GRIK1: variants seen among roughly 807,000 people sequenced by gnomAD.
The protein encoded by GRIK1 is glutamate ionotropic receptor kainate type subunit 1.
GRIK1 carries 69 observed loss-of-function variants against 105.7 expected under a neutral mutation model. That is an observed-to-expected ratio of 0.65 (90% CI 0.54 to 0.80). The LOEUF (loss-of-function observed/expected upper bound fraction) is 0.80. Among genes scored for constraint, GRIK1 ranks in the 30% least tolerant of loss-of-function variants. The probability of loss-of-function intolerance (pLI) is 0.00; values close to 1 mark genes in which losing one functional copy is unlikely to be tolerated. For missense variants in GRIK1, 1,109 were observed against 1,167.3 expected (o/e 0.95, Z 0.73); for synonymous variants, 438 against 431.3 (o/e 1.02, Z -0.19).
intron 1 of GRIK1, among the ~76,000 whole-genome samples, chr21:29,871,601 T>G (rs1322818847): frequency 6.6e-6 from 1 of 152,024 alleles, no homozygotes; most frequent in Non-Finnish European, 1.5e-5. Context: ...TATGGATATG[T>G]ATCTGGTGAT....
chr21:29,813,913 CTTTT>C (rs35127743), intron 1 of GRIK1, among the ~76,000 whole-genome samples: 5 of 126,284 alleles, frequency 4.0e-5, no homozygotes, highest in Non-Finnish European at 6.7e-5. Context: ...AAGAAACATT[CTTTT>C]TTTTTTTTTT....
chr21:29,706,323 G>A (rs761901838), intron 1 of GRIK1, among the ~76,000 whole-genome samples: 1 of 152,064 alleles, frequency 6.6e-6, no homozygotes, highest in Non-Finnish European at 1.5e-5. Flanking sequence ...TACACACTAG[G>A]CAACAACAGT....
chr21:29,555,374 C>G (rs375824794), intron 15 of GRIK1, 72 bp from the exon 16 acceptor site: 3 of 1,363,698 alleles, frequency 2.2e-6, no homozygotes, highest in African/African-American at 2.9e-5. Flanking sequence ...TCTTAATTAT[C>G]ATCTTTGTCA....
At chr21:29,766,056 G>A (rs145445599) in intron 1 of GRIK1, among the ~76,000 whole-genome samples, 107 of 152,026 alleles carry the variant, frequency 7.0e-4, no homozygotes, top group African/African-American at 9.2e-4. Context: ...TTACCGTGTT[G>A]GCCAGGTTGG....
intron 1 of GRIK1, among the ~76,000 whole-genome samples, chr21:29,875,028 G>T (rs569899619): frequency 6.8e-6 from 1 of 147,754 alleles, no homozygotes. Flanking sequence ...ATGTGTGTGT[G>T]TATGCGTGTG....
chr21:29,674,528 T>G, intron 3 of GRIK1, among the ~76,000 whole-genome samples: 1 of 151,992 alleles, frequency 6.6e-6, no homozygotes, highest in Non-Finnish European at 1.5e-5. Flanking sequence ...GTAATCCCCA[T>G]GTGTCGGGGG....
chr21:29,663,475 A>G (rs2063005361), intron 4 of GRIK1, among the ~76,000 whole-genome samples: 1 of 152,198 alleles, frequency 6.6e-6, no homozygotes, highest in Non-Finnish European at 1.5e-5. Flanking sequence ...TTCTTCTGTA[A>G]GAATTCAGAC....
chr21:29,806,020 G>A (rs2066854915), intron 1 of GRIK1, among the ~76,000 whole-genome samples: 1 of 151,560 alleles, frequency 6.6e-6, no homozygotes, highest in South Asian at 2.1e-4. Context: ...GAAAACACAA[G>A]TCGACTATAA....
chr21:29,917,348 C>A (rs2071032905), intron 1 of GRIK1, among the ~76,000 whole-genome samples: 1 of 152,010 alleles, frequency 6.6e-6, no homozygotes, highest in Non-Finnish European at 1.5e-5. Context: ...CAGGTTTGCA[C>A]ATTGGTATTT....
intron 1 of GRIK1, among the ~76,000 whole-genome samples, chr21:29,898,949 G>T (rs2070282818): frequency 6.6e-6 from 1 of 150,430 alleles, no homozygotes; most frequent in Non-Finnish European, 1.5e-5. Flanking sequence ...TCCAGCCTGG[G>T]CAACAAGAGT....
At chr21:29,694,222 C>T (rs2063646785) in intron 1 of GRIK1, among the ~76,000 whole-genome samples, 159 bp from the exon 2 acceptor site, 1 of 140,700 alleles carries the variant, frequency 7.1e-6, no homozygotes, top group Non-Finnish European at 1.5e-5. Context: ...CCTCTGGGTT[C>T]AAGCGATTCT....
intron 4 of GRIK1, 88 bp downstream of exon 4, chr21:29,672,895 G>A: frequency 1.1e-6 from 1 of 897,006 alleles, no homozygotes; most frequent in East Asian, 2.4e-5. Flanking sequence ...GTTTTATTAT[G>A]CTGCATTAAG....
At chr21:29,651,876 T>A (rs1601375319) in intron 5 of GRIK1, among the ~76,000 whole-genome samples, 1 of 151,926 alleles carries the variant, frequency 6.6e-6, no homozygotes, top group African/African-American at 2.4e-5. Flanking sequence ...TAAAACAAAA[T>A]GGCAGCCGTA....
intron 1 of GRIK1, among the ~76,000 whole-genome samples, chr21:29,782,895 T>C (rs1249861353): frequency 6.6e-6 from 1 of 152,198 alleles, no homozygotes; most frequent in Non-Finnish European, 1.5e-5. Flanking sequence ...ACATCCCTAC[T>C]CATGAACATT....
chr21:29,630,879 A>G (rs2062253653), intron 7 of GRIK1: 1 of 304,056 alleles, frequency 3.3e-6, no homozygotes, highest in Admixed American at 4.6e-5. Context: ...GGCTGTTTGC[A>G]ACCTCTGCCT....
chr21:29,929,650 C>A (rs1386919070), intron 1 of GRIK1, among the ~76,000 whole-genome samples: 1 of 151,938 alleles, frequency 6.6e-6, no homozygotes, highest in Non-Finnish European at 1.5e-5. Flanking sequence ...TCAAAAAAGA[C>A]AAGAAAAGAA....
At chr21:29,622,106 C>G (rs2146434745) in intron 7 of GRIK1, among the ~76,000 whole-genome samples, 1 of 152,194 alleles carries the variant, frequency 6.6e-6, no homozygotes, top group Middle Eastern at 3.4e-3. Context: ...GCCACCACAC[C>G]TGGCTAATTT....
intron 7 of GRIK1, among the ~76,000 whole-genome samples, chr21:29,629,054 G>A (rs1385167281): frequency 6.6e-6 from 1 of 152,140 alleles, no homozygotes. Context: ...TGAATAAAAT[G>A]AATTTAACAG....
intron 4 of GRIK1, among the ~76,000 whole-genome samples, chr21:29,668,154 A>C (rs1392010002): frequency 6.6e-6 from 1 of 152,160 alleles, no homozygotes; most frequent in Non-Finnish European, 1.5e-5. Flanking sequence ...GTTGTGTGTC[A>C]AATGTAGTAG....
Sources: allele counts gnomAD v4.1 joint callset (sites outside exome capture counted in the v4.1 genomes callset), GRCh38; gene constraint gnomAD v4.1.1; transcripts MANE v1.5; gene names NCBI Gene and HGNC (gene_info 2026-07-23, HGNC 2026-07-21).